PTPRD: variants seen among roughly 807,000 people sequenced by gnomAD.
PTPRD encodes receptor-type tyrosine-protein phosphatase delta.
PTPRD carries 34 observed loss-of-function variants against 214.5 expected under a neutral mutation model. That is an observed-to-expected ratio of 0.16 (90% confidence interval 0.12 to 0.21). PTPRD has a LOEUF of 0.21. Among genes scored for constraint, PTPRD ranks in the 10% least tolerant of loss-of-function variants. The probability of loss-of-function intolerance (pLI) is 1.00; values close to 1 mark genes in which losing one functional copy is unlikely to be tolerated. For missense variants in PTPRD, 2,545 were observed against 2,398.7 expected (o/e 1.06, Z -1.27); for synonymous variants, 1,128 against 845.7 (o/e 1.33, Z -5.79).
intron 3 of PTPRD, among the ~76,000 whole-genome samples, chr9:10,084,599 G>A (rs915862965): frequency 1.3e-5 from 2 of 151,904 alleles, no homozygotes; most frequent in Non-Finnish European, 2.9e-5. Context: ...AGTGTCACTA[G>A]TTGGAAAGAA....
chr9:9,581,021 G>C (rs903853397), intron 7 of PTPRD, among the ~76,000 whole-genome samples: 1 of 152,078 alleles, frequency 6.6e-6, no homozygotes, highest in Non-Finnish European at 1.5e-5. Flanking sequence ...GGGAGGACAT[G>C]TGAAAGAAAT....
chr9:8,348,654 G>A (rs1028043880), intron 39 of PTPRD, among the ~76,000 whole-genome samples: 3 of 152,158 alleles, frequency 2.0e-5, no homozygotes, highest in South Asian at 4.2e-4. Context: ...AAACCGCAGG[G>A]CCCTCAGGTA....
intron 2 of PTPRD, among the ~76,000 whole-genome samples, chr9:10,402,917 G>C (rs2098294775): frequency 6.6e-6 from 1 of 151,418 alleles, no homozygotes; most frequent in African/African-American, 2.4e-5. Context: ...CTAGCCATTA[G>C]ATCTGTTTGA....
intron 10 of PTPRD, among the ~76,000 whole-genome samples, chr9:9,030,186 G>A (rs986020556): frequency 6.7e-6 from 1 of 149,496 alleles, no homozygotes; most frequent in Admixed American, 6.7e-5. Flanking sequence ...CTACCTGTCA[G>A]GAATGCAACC....
At chr9:9,266,310 G>A (rs902980672) in intron 9 of PTPRD, among the ~76,000 whole-genome samples, 3 of 151,008 alleles carry the variant, frequency 2.0e-5, no homozygotes, top group African/African-American at 7.3e-5. Flanking sequence ...AATAATAGTA[G>A]GGGACTTTGA....
intron 9 of PTPRD, among the ~76,000 whole-genome samples, chr9:9,185,726 T>C (rs2099930977): frequency 6.6e-6 from 1 of 152,112 alleles, no homozygotes; most frequent in South Asian, 2.1e-4. Context: ...CTAGATTTTA[T>C]GGTTGCTTTA....
intron 8 of PTPRD, among the ~76,000 whole-genome samples, chr9:9,454,424 C>G (rs190298974): frequency 7.9e-5 from 12 of 151,776 alleles, no homozygotes; most frequent in African/African-American, 2.7e-4. Context: ...GGCTATGGTT[C>G]TGATTATTCC....
chr9:9,901,721 A>C (rs1402670033), intron 5 of PTPRD, among the ~76,000 whole-genome samples: 2 of 152,154 alleles, frequency 1.3e-5, no homozygotes, highest in African/African-American at 2.4e-5. Flanking sequence ...TTTACAAAGA[A>C]AAGAGGTTTA....
At chr9:10,460,690 C>T (rs1014409807) in intron 2 of PTPRD, among the ~76,000 whole-genome samples, 3 of 151,946 alleles carry the variant, frequency 2.0e-5, no homozygotes, top group Admixed American at 6.6e-5. Flanking sequence ...TTGACATATC[C>T]GAGACAATGA....
intron 11 of PTPRD, among the ~76,000 whole-genome samples, chr9:8,814,900 A>T (rs1352377273): frequency 6.6e-6 from 1 of 152,228 alleles, no homozygotes; most frequent in Non-Finnish European, 1.5e-5. Flanking sequence ...GTGCATTCAC[A>T]TAGCTTTCTG....
At chr9:9,786,501 G>GA (rs1442548359) in intron 5 of PTPRD, among the ~76,000 whole-genome samples, 82 of 152,272 alleles carry the variant, frequency 5.4e-4, no homozygotes, top group African/African-American at 1.9e-3. Flanking sequence ...TGCTAATACT[G>GA]AAAACAGCAT....
chr9:9,056,472 C>A (rs897796861), intron 10 of PTPRD, among the ~76,000 whole-genome samples: 20 of 152,140 alleles, frequency 1.3e-4, no homozygotes, highest in South Asian at 6.2e-4. Flanking sequence ...GTTTTGAATT[C>A]CTCATCTGAT....
intron 11 of PTPRD, among the ~76,000 whole-genome samples, chr9:9,009,357 C>G (rs1339375629): frequency 6.6e-6 from 1 of 152,100 alleles, no homozygotes; most frequent in Admixed American, 6.6e-5. Flanking sequence ...GCAGAGCTTT[C>G]ACAATCCTAA....
chr9:9,644,466 G>C (rs969120435), intron 7 of PTPRD, among the ~76,000 whole-genome samples: 2 of 152,168 alleles, frequency 1.3e-5, no homozygotes, highest in Non-Finnish European at 2.9e-5. Context: ...TCTGAATAAA[G>C]ATTTCCATGC....
chr9:8,637,516 A>G (rs1302855559), intron 12 of PTPRD, among the ~76,000 whole-genome samples: 1 of 152,236 alleles, frequency 6.6e-6, no homozygotes, highest in Non-Finnish European at 1.5e-5. Flanking sequence ...ATGTAGACTT[A>G]AAGATTACTA....
intron 11 of PTPRD, among the ~76,000 whole-genome samples, chr9:8,848,272 C>T (rs992924153): frequency 4.8e-5 from 7 of 147,334 alleles, no homozygotes; most frequent in South Asian, 2.2e-4. Context: ...TCTTCAGAAA[C>T]GGTAGAGAGG....
At chr9:9,641,085 T>C (rs915181782) in intron 7 of PTPRD, among the ~76,000 whole-genome samples, 3 of 92,218 alleles carry the variant, frequency 3.3e-5, no homozygotes, top group Non-Finnish European at 6.2e-5. Context: ...ATGAAAGCTA[T>C]AGCTTTAAAT....
In PTPRD at chr9:9,030,781, G is replaced by T. The variant is rs576432591; in HGVS notation, c.-142-12046C>A. On this transcript the variant is annotated intron_variant, in intron 10 of 45. Transcript: ENST00000381196. Reference sequence around the variant, plus strand: ...AACAAGGTGCTAAGATACTTAAAAGGTTATAAAAATGAATCCAATATGTAT... The same window carrying T: ...AACAAGGTGCTAAGATACTTAAAAGTTTATAAAAATGAATCCAATATGTAT... Among the ~76,000 whole-genome samples the T allele has an allele frequency of 9.2e-5, 14 of 152,024 alleles. 1 individual carries two copies. The South Asian group carries it at 2.9e-3, about 32-fold the overall frequency.
intron 11 of PTPRD, among the ~76,000 whole-genome samples, chr9:8,851,664 G>A (rs919148371): frequency 8.6e-5 from 13 of 152,004 alleles, no homozygotes; most frequent in Admixed American, 2.6e-4. Flanking sequence ...TTCTACATTC[G>A]AGAATTATGT....
Sources: gnomAD v4.1 joint callset for allele counts (sites outside exome capture counted in the v4.1 genomes callset) on GRCh38, gnomAD v4.1.1 for gene constraint, MANE v1.5 for transcripts, NCBI Gene and HGNC (gene_info 2026-07-23, HGNC 2026-07-21) for gene names.